Variants in ARHGAP22 observed in about 807,000 individuals in gnomAD.
The protein encoded by ARHGAP22 is Rho GTPase activating protein 22, also known as rho GTPase-activating protein 22.
Under a neutral mutation model 59.1 loss-of-function variants are expected in ARHGAP22, and 48 were observed. The ratio of observed to expected loss-of-function variants is 0.81; its 90% CI spans 0.64 to 1.03. ARHGAP22 has a LOEUF of 1.03. ARHGAP22 is among the 50% of genes least tolerant of loss of function. The pLI is 0.00. For synonymous variants in ARHGAP22, 445 were observed against 416.4 expected (o/e 1.07, Z -0.84); for missense variants, 1,015 against 958.7 (o/e 1.06, Z -0.78).
At chr10:48,445,275 A>C (rs2045298398), downstream of ARHGAP22, 1 of 152,206 alleles carries the variant, frequency 6.6e-6, no homozygotes, top group South Asian at 2.1e-4. Flanking sequence ...CGCTCTGGTG[A>C]CCACTGCTCC....
At chr10:48,547,196 T>C (rs1028994487) in intron 3 of ARHGAP22, among the ~76,000 whole-genome samples, 2 of 152,200 alleles carry the variant, frequency 1.3e-5, no homozygotes, top group Non-Finnish European at 2.9e-5. Context: ...CCTTTCTACA[T>C]GCAGACACCA....
intron 3 of ARHGAP22, among the ~76,000 whole-genome samples, chr10:48,495,360 T>A (rs1227770434): frequency 6.6e-6 from 1 of 152,214 alleles, no homozygotes; most frequent in Non-Finnish European, 1.5e-5. Context: ...CCACCTGATA[T>A]GGTGTTACAA....
At chr10:48,448,976 A>G (rs183951255) in intron 9 of ARHGAP22, among the ~76,000 whole-genome samples, 1 of 152,304 alleles carries the variant, frequency 6.6e-6, no homozygotes, top group Non-Finnish European at 1.5e-5. Context: ...TCCCTGGTGG[A>G]GCTGGGACTA....
At chr10:48,550,829 C>T (rs2056838377) in intron 3 of ARHGAP22, among the ~76,000 whole-genome samples, 1 of 152,238 alleles carries the variant, frequency 6.6e-6, no homozygotes, top group Non-Finnish European at 1.5e-5. Context: ...CTATGCCTAT[C>T]ACTTCCTACC....
At chr10:48,566,862 A>G (rs916754280) in intron 2 of ARHGAP22, among the ~76,000 whole-genome samples, 4 of 152,156 alleles carry the variant, frequency 2.6e-5, no homozygotes, top group Middle Eastern at 3.2e-3. Flanking sequence ...CACAGCCCCT[A>G]AAGCTCTTAC....
chr10:48,436,109 A>T, the ARHGAP22 span: 1 of 152,184 alleles, frequency 6.6e-6, no homozygotes, highest in Non-Finnish European at 1.5e-5. Context: ...TCCAAACCCT[A>T]CCTAGATTTG....
At chr10:48,548,990 A>G (rs563243356) in intron 3 of ARHGAP22, among the ~76,000 whole-genome samples, 30 of 152,308 alleles carry the variant, frequency 2.0e-4, no homozygotes, top group Middle Eastern at 6.8e-3. Context: ...TTAGCTTGTC[A>G]GAGTCCCAGG....
In ARHGAP22 at chr10:48,446,576, A is replaced by G; in HGVS notation, c.1912T>C (p.Leu638=). The change falls in exon 10 of 10, where the codon TTA becomes CTA. Residue 638 remains leucine (L), a synonymous_variant. Coordinates refer to ENST00000249601, the MANE Select transcript of ARHGAP22 (RefSeq NM_021226.4). ...TTTTCCTGGTCCAGTTCTTCTTCTA[A>G]CCGGGACATTCGTTTTCTCAGGTCA... is the stretch of plus-strand genomic sequence containing the variant. ...SADLRKRMSR[L]EEELDQEKKK... 3 of 1,614,164 alleles carry G rather than the reference A, an allele frequency of 1.9e-6. No homozygotes were observed. Among genetic ancestry groups the G allele is most frequent in the Admixed American group, 1.7e-5 (1 of 60,018 alleles).
chr10:48,433,732 A>G, the ARHGAP22 span, among the ~76,000 whole-genome samples: 7 of 152,124 alleles, frequency 4.6e-5, no homozygotes, highest in Non-Finnish European at 7.4e-5. Context: ...AAGACTTTTC[A>G]TATTGAAGTG....
chr10:48,447,774 C>T (rs945647817), intron 9 of ARHGAP22, among the ~76,000 whole-genome samples: 3 of 152,220 alleles, frequency 2.0e-5, no homozygotes, highest in Non-Finnish European at 4.4e-5. Context: ...ACCACTCTTC[C>T]GCAGCCCTGG....
At chr10:48,576,402 T>G (rs1489852700) in intron 2 of ARHGAP22, among the ~76,000 whole-genome samples, 4 of 152,200 alleles carry the variant, frequency 2.6e-5, no homozygotes, top group African/African-American at 9.7e-5. Context: ...TGGTTATAGT[T>G]TTTCTTTTCT....
At position 48,605,037 on chromosome 10, in the gene ARHGAP22, C is replaced by T; in HGVS notation, c.-241G>A. ...CAGAATTAATTCCCATCCAAGCGGA[C>T]CATTAAAGCCTCAGTAATCACTGCT... On this transcript the variant is annotated 5_prime_UTR_variant, in exon 1 of 10. Coordinates refer to ENST00000249601, the MANE Select transcript of ARHGAP22 (RefSeq NM_021226.4). 7.0e-7 allele frequency: 1 copy of T among 1,426,650 alleles called. No individual in the cohort carries two copies. The highest frequency in any genetic ancestry group is 9.2e-7 in the Non-Finnish European group (1 of 1,092,784). 88.4% of individuals were successfully genotyped at this position (1,426,650 alleles called of 1,614,324 possible).
intron 3 of ARHGAP22, among the ~76,000 whole-genome samples, chr10:48,480,649 T>TG (rs1240487152): frequency 6.6e-6 from 1 of 152,198 alleles, no homozygotes; most frequent in Admixed American, 6.5e-5. Flanking sequence ...ACTGAGCACC[T>TG]GGTACGTGCC....
At chr10:48,638,841 G>A (rs74130602) in intron 1 of ARHGAP22, among the ~76,000 whole-genome samples, 7,541 of 151,994 alleles carry the variant, frequency 0.05, 548 homozygotes, top group African/African-American at 0.17. Context: ...ATAAGAAAGC[G>A]GATATGGGAA....
At chr10:48,455,618 G>A (rs1053023899) in intron 5 of ARHGAP22, among the ~76,000 whole-genome samples, 5 of 152,218 alleles carry the variant, frequency 3.3e-5, no homozygotes, top group African/African-American at 9.6e-5. Flanking sequence ...CCACAGGCCT[G>A]GTGGCCATCC....
intron 2 of ARHGAP22, among the ~76,000 whole-genome samples, chr10:48,558,268 G>GA (rs1404377929): frequency 6.6e-6 from 1 of 152,044 alleles, no homozygotes; most frequent in Non-Finnish European, 1.5e-5. Flanking sequence ...GTTAGGAAAT[G>GA]ATATATTTTG....
chr10:48,582,905 TG>T, intron 2 of ARHGAP22, 47 bp downstream of exon 2: 1 of 1,599,676 alleles, frequency 6.3e-7, no homozygotes, highest in Non-Finnish European at 8.6e-7. Flanking sequence ...TTCCCTCTTG[TG>T]GAGCCCTGCC....
intron 4 of ARHGAP22, among the ~76,000 whole-genome samples, chr10:48,474,573 T>A (rs1044426780): frequency 8.4e-6 from 1 of 119,700 alleles, no homozygotes; most frequent in African/African-American, 3.2e-5. Context: ...TCAGTGGGCT[T>A]TTTGGAGATG....
intron 3 of ARHGAP22, among the ~76,000 whole-genome samples, chr10:48,526,963 G>GTCCT: frequency 6.6e-6 from 1 of 152,302 alleles, no homozygotes; most frequent in Non-Finnish European, 1.5e-5. Flanking sequence ...TTAGTTGTGT[G>GTCCT]TCCTTCCTCA....
Sources: allele counts gnomAD v4.1 joint callset (sites outside exome capture counted in the v4.1 genomes callset), GRCh38; gene constraint gnomAD v4.1.1; transcripts MANE v1.5; gene names NCBI Gene and HGNC (gene_info 2026-07-23, HGNC 2026-07-21).